The following PTPRF variants were observed in gnomAD, a reference collection of about 807,000 sequenced individuals.
The protein encoded by PTPRF is protein tyrosine phosphatase receptor type F, also known as receptor-type tyrosine-protein phosphatase F.
Under a neutral mutation model 201.8 loss-of-function variants are expected in PTPRF, and 59 were observed. That is an observed-to-expected ratio of 0.29 (90% CI 0.24 to 0.36). PTPRF has a LOEUF of 0.36. PTPRF is among the 10% of genes least tolerant of loss of function. The pLI, the probability that PTPRF is intolerant of heterozygous loss-of-function variation, is 1.00. For missense variants in PTPRF, 2,132 were observed against 2,690.5 expected (o/e 0.79, Z 4.59); for synonymous variants, 1,088 against 1,089.7 (o/e 1.00, Z 0.03).
chr1:43,602,216 C>A, intron 14 of PTPRF, 119 bp downstream of exon 14: 1 of 1,278,004 alleles, frequency 7.8e-7, no homozygotes, highest in Non-Finnish European at 1.1e-6. Context: ...GCTCTAGCCA[C>A]ATCAGGAGAA....
chr1:43,606,983 CAG>C lies in PTPRF; in HGVS notation c.3857+18_3857+19del, dbSNP rs752770631. On this transcript the variant is annotated intron_variant, in intron 21 of 33. Coordinates refer to ENST00000359947, the MANE Select transcript of PTPRF (RefSeq NM_002840.5). ...TTGTTCAAAAGGTGAGCACTGCCCT[CAG>C]AGCTCCGGGAACGGCCACCTGCCCC... is the stretch of plus-strand genomic sequence containing the variant. The C allele has an allele frequency of 6.2e-7, 1 of 1,612,304 alleles. No homozygotes were observed. The highest frequency in any genetic ancestry group is 1.7e-5 in the Admixed American group (1 of 60,008).
chr1:43,614,610 G>C (rs1194919202), intron 23 of PTPRF, among the ~76,000 whole-genome samples: 1 of 152,168 alleles, frequency 6.6e-6, no homozygotes, highest in Non-Finnish European at 1.5e-5. Context: ...CAGCACTTTG[G>C]GAGGCCGAGG....
At chr1:43,602,955 C>G (rs1311882405) in intron 14 of PTPRF, among the ~76,000 whole-genome samples, 1 of 152,134 alleles carries the variant, frequency 6.6e-6, no homozygotes, top group African/African-American at 2.4e-5. Context: ...GGCACCTTAG[C>G]CCATCCTGCC....
At chr1:43,615,480 C>T (rs1657535585) in intron 23 of PTPRF, among the ~76,000 whole-genome samples, 1 of 151,520 alleles carries the variant, frequency 6.6e-6, no homozygotes, top group Non-Finnish European at 1.5e-5. Flanking sequence ...CCTCCTCCTC[C>T]AGGAAGCCTT....
intron 2 of PTPRF, among the ~76,000 whole-genome samples, chr1:43,540,000 G>A (rs928587889): frequency 6.6e-6 from 1 of 152,228 alleles, no homozygotes; most frequent in South Asian, 2.1e-4. Flanking sequence ...ATTGGGTTCT[G>A]GGGCAGGGGC....
At chr1:43,597,579 T>C (rs562249) in intron 11 of PTPRF, among the ~76,000 whole-genome samples, 169 bp from the exon 12 acceptor site, 148,058 of 152,248 alleles carry the variant, frequency 0.97, 72,032 homozygotes, top group East Asian at 1. Flanking sequence ...GGGAGTCAGG[T>C]GTCCTTGGCG....
chr1:43,559,466 T>C (rs754097946), intron 5 of PTPRF, among the ~76,000 whole-genome samples: 3 of 150,412 alleles, frequency 2.0e-5, no homozygotes, highest in Admixed American at 1.3e-4. Flanking sequence ...GTGTGTGTTA[T>C]CAGGCAGTAT....
chr1:43,579,996 C>G (rs1022040436), intron 7 of PTPRF: 1 of 151,090 alleles, frequency 6.6e-6, no homozygotes, highest in African/African-American at 2.4e-5. Flanking sequence ...TCGCTTGAAC[C>G]AGAGGTTGCA....
intron 13 of PTPRF, among the ~76,000 whole-genome samples, chr1:43,601,249 G>A (rs1653670363): frequency 6.6e-6 from 1 of 152,194 alleles, no homozygotes; most frequent in Non-Finnish European, 1.5e-5. Context: ...GTTTCATGGG[G>A]CCTCAGAATG....
chr1:43,619,407 A>G lies in PTPRF; in HGVS notation c.4766A>G (p.Tyr1589Cys). ...ACCTGCATGCGATCACAGAGGAACT[A>G]CATGGTGCAGACGGAGGACCAGTAC... Reference protein sequence around the residue: ...HVTCMRSQRNYMVQTEDQYVF... With the variant: ...HVTCMRSQRNCMVQTEDQYVF... Residue 1589 changes from tyrosine (Y) to cysteine (C), a missense_variant, in exon 28 of 34, where the codon TAC (tyrosine) becomes TGC (cysteine). Transcript: ENST00000359947. The G allele has an allele frequency of 6.2e-7, 1 of 1,614,138 alleles. No homozygotes were observed. The highest frequency in any genetic ancestry group is 1.1e-5 in the South Asian group (1 of 91,090).
chr1:43,532,030 G>C (rs1355155636), intron 1 of PTPRF, among the ~76,000 whole-genome samples: 1 of 152,112 alleles, frequency 6.6e-6, no homozygotes, highest in Non-Finnish European at 1.5e-5. Context: ...TCTCGATTCT[G>C]TCTCCCTGGG....
At chr1:43,555,604 C>T (rs1385857029) in intron 5 of PTPRF, among the ~76,000 whole-genome samples, 3 of 152,010 alleles carry the variant, frequency 2.0e-5, no homozygotes, top group Non-Finnish European at 4.4e-5. Flanking sequence ...CACCACCACT[C>T]GTGACTAATT....
chr1:43,548,124 G>A (rs1644796783), intron 3 of PTPRF, among the ~76,000 whole-genome samples: 1 of 147,702 alleles, frequency 6.8e-6, no homozygotes, highest in Admixed American at 6.8e-5. Context: ...GCTAATGGGG[G>A]GGTATTGCAT....
chr1:43,604,082 G>A lies in PTPRF; in HGVS notation c.2930G>A (p.Gly977Asp), dbSNP rs369570389. ...ITTDTRFTLT[G>D]LKPDTTYDIK... is the part of the protein sequence containing the mutation. Reference sequence around the variant, plus strand: ...ACAGACACCCGCTTTACCCTTACTGGCCTCAAGCCAGACACCACTTACGAC... The same window carrying A: ...ACAGACACCCGCTTTACCCTTACTGACCTCAAGCCAGACACCACTTACGAC... The change falls in exon 16 of 34, where the codon GGC becomes GAC. Residue 977 changes from glycine to aspartate, a missense_variant. By Grantham distance (94) the Gly-to-Asp change is moderately conservative. Transcript: ENST00000359947. The A allele has an allele frequency of 5.6e-6, 9 of 1,614,078 alleles. No homozygotes were observed. In the African/African-American group the frequency reaches 9.3e-5, roughly 17 times the overall value.
chr1:43,598,138 C>A, intron 12 of PTPRF, 85 bp downstream of exon 12: 1 of 1,321,578 alleles, frequency 7.6e-7, no homozygotes, highest in East Asian at 2.7e-5. Context: ...CTTTCCTGAA[C>A]ACAGGCCCAG....
At chr1:43,576,156 G>C (rs1022069041) in intron 6 of PTPRF, among the ~76,000 whole-genome samples, 1 of 152,194 alleles carries the variant, frequency 6.6e-6, no homozygotes, top group Admixed American at 6.5e-5. Context: ...TACTCGCCGG[G>C]CCCCGCCTAG....
At chr1:43,590,877 G>A (rs975338369) in intron 8 of PTPRF, 95 bp from the exon 9 acceptor site, 5 of 1,181,978 alleles carry the variant, frequency 4.2e-6, no homozygotes, top group Non-Finnish European at 6.0e-6. Context: ...ACACTCAGGT[G>A]ACCCCACCAG....
chr1:43,617,824 C>G lies in PTPRF; in HGVS notation c.4284C>G (p.Pro1428=). ...ACATCGCCACGCAGGGCCCCCTGCC[C>G]GAGACCATGGGTGATTTCTGGAGGA... ...NAYIATQGPL[P]ETMGDFWRMV... The change falls in exon 25 of 34, where the codon CCC becomes CCG. Residue 1428 remains proline (P), a synonymous_variant. Transcript: ENST00000359947. 1 of 1,613,978 alleles carries G rather than the reference C, an allele frequency of 6.2e-7. No homozygotes were observed. Among genetic ancestry groups the G allele is most frequent in the South Asian group, 1.1e-5 (1 of 91,074 alleles).
rs766615305 is a variant in PTPRF, at chr1:43,597,824, G to C, written c.1890G>C (p.Pro630=). 6 of 1,605,842 alleles carry C rather than the reference G, an allele frequency of 3.7e-6. No homozygotes were observed. The highest frequency in any genetic ancestry group is 5.1e-6 in the Non-Finnish European group (6 of 1,176,926). ...STTVRVSWVP[P]PADSRNGVIT... is the part of the protein sequence containing the mutation. ...CGGTCCGGGTAAGTTGGGTCCCGCC[G>C]CCTGCCGACAGCCGCAACGGCGTTA... The change falls in exon 12 of 34, where the codon CCG becomes CCC. Residue 630 remains proline, a synonymous_variant. Coordinates refer to ENST00000359947, the MANE Select transcript of PTPRF (RefSeq NM_002840.5).
Sources: allele counts gnomAD v4.1 joint callset (sites outside exome capture counted in the v4.1 genomes callset), GRCh38; gene constraint gnomAD v4.1.1; transcripts MANE v1.5; gene names NCBI Gene and HGNC (gene_info 2026-07-23, HGNC 2026-07-21).